FAM185A: variants seen among roughly 807,000 people sequenced by gnomAD.
FAM185A encodes the protein family with sequence similarity 185 member A.
In FAM185A, 21 loss-of-function variants were observed where a neutral mutation model predicts 45.7. The observed-to-expected ratio is 0.46, with a 90% confidence interval of 0.33 to 0.66. The LOEUF (loss-of-function observed/expected upper bound fraction) is 0.66. Ranked by LOEUF, FAM185A falls within the 30% of genes least tolerant of loss-of-function variation. The pLI is 0.03. For synonymous variants in FAM185A, 117 were observed against 194.0 expected (o/e 0.60, Z 3.30); for missense variants, 305 against 485.4 (o/e 0.63, Z 3.49).
chr7:102,818,760 A>AG, the FAM185A span, among the ~76,000 whole-genome samples: 6,287 of 152,246 alleles, frequency 0.041, 320 homozygotes, highest in East Asian at 0.16. Flanking sequence ...GAAATATATC[A>AG]AAAGTTCCCT....
intron 5 of FAM185A, among the ~76,000 whole-genome samples, chr7:102,774,675 C>T (rs1285202051): frequency 6.6e-6 from 1 of 152,158 alleles, no homozygotes; most frequent in African/African-American, 2.4e-5. Context: ...TTTTGTCAAA[C>T]ACATTTCCTG....
At chr7:102,847,518 T>C in the FAM185A span, among the ~76,000 whole-genome samples, 4 of 151,688 alleles carry the variant, frequency 2.6e-5, no homozygotes, top group African/African-American at 7.3e-5. Flanking sequence ...TAACACTCAA[T>C]TTTTTTTTCT....
intron 7 of FAM185A, among the ~76,000 whole-genome samples, chr7:102,791,630 G>A (rs1400917701): frequency 1.3e-5 from 2 of 152,182 alleles, no homozygotes; most frequent in African/African-American, 4.8e-5. Flanking sequence ...ATCAAGCATC[G>A]TTTTGCAGAG....
chr7:102,813,365 T>A, downstream of FAM185A: 4 of 1,613,796 alleles, frequency 2.5e-6, no homozygotes, highest in Non-Finnish European at 3.4e-6. Flanking sequence ...TCTTCACTGC[T>A]GTATGTTGAC....
chr7:102,827,531 A>AT, the FAM185A span, among the ~76,000 whole-genome samples: 18 of 149,452 alleles, frequency 1.2e-4, no homozygotes, highest in East Asian at 2.0e-4. Context: ...CCCATTGATC[A>AT]TTTTTTTTTT....
At chr7:102,801,151 C>T (rs1041245814) in intron 7 of FAM185A, among the ~76,000 whole-genome samples, 1 of 152,098 alleles carries the variant, frequency 6.6e-6, no homozygotes, top group African/African-American at 2.4e-5. Flanking sequence ...ATGAAAGATA[C>T]AGTCTTTTTC....
At chr7:102,773,647 A>G (rs2539282) in intron 5 of FAM185A, among the ~76,000 whole-genome samples, 32 of 151,394 alleles carry the variant, frequency 2.1e-4, no homozygotes, top group Admixed American at 7.2e-4. Context: ...CCTTTTCCCA[A>G]AGTTCCACTT....
At chr7:102,823,286 T>C in the FAM185A span, among the ~76,000 whole-genome samples, 1 of 152,204 alleles carries the variant, frequency 6.6e-6, no homozygotes, top group Non-Finnish European at 1.5e-5. Context: ...TAACATTACA[T>C]GCTACAAAAC....
chr7:102,749,284 C>T lies in FAM185A; in HGVS notation c.77C>T (p.Ala26Val). The T allele has an allele frequency of 1.3e-6, 2 of 1,550,126 alleles. No homozygotes were observed. Among genetic ancestry groups the T allele is most frequent in the South Asian group, 1.2e-5 (1 of 84,014 alleles). ...CGTCAGGTCCGACTGTGGGCTGGCG[C>T]TGGGCGCTGGGCTTGCTGGGCTTGC... is the stretch of plus-strand genomic sequence containing the variant. ...CLRQVRLWAG[A>V]GRWACWACQA... The change falls in exon 1 of 8, where the codon GCT (alanine) becomes GTT (valine). Residue 26 changes from alanine to valine, a missense_variant. Physicochemically the swap from Ala to Val is moderately conservative, Grantham distance 64. Transcript: ENST00000413034.
chr7:102,784,711 C>A (rs1795663427), intron 6 of FAM185A, among the ~76,000 whole-genome samples: 1 of 152,150 alleles, frequency 6.6e-6, no homozygotes, highest in South Asian at 2.1e-4. Flanking sequence ...CTATGACAAA[C>A]CCACAGCCAA....
rs567634328 is a variant in FAM185A at position 102,773,474 on chromosome 7, A to C, written c.835+1024A>C. On this transcript the variant is annotated intron_variant, in intron 5 of 7. Transcript: ENST00000413034. ...TCTACTGTTGATGGACACCTGGGCC[A>C]TTTCTAATTTTTTGGCAACTGTAAA... 1.1e-3 allele frequency among the ~76,000 whole-genome samples: 163 copies of C among 152,276 alleles called. 1 individual carries two copies. In the Middle Eastern group the frequency reaches 0.02, roughly 19 times the overall value.
chr7:102,802,120 C>T (rs941488178), intron 7 of FAM185A, among the ~76,000 whole-genome samples: 1 of 152,126 alleles, frequency 6.6e-6, no homozygotes, highest in Non-Finnish European at 1.5e-5. Context: ...ACTGACAGCA[C>T]TGGACAGGTC....
At chr7:102,795,683 G>A (rs1480130620) in intron 7 of FAM185A, among the ~76,000 whole-genome samples, 1 of 151,990 alleles carries the variant, frequency 6.6e-6, no homozygotes, top group Non-Finnish European at 1.5e-5. Flanking sequence ...ACAGGTCCAG[G>A]AATAATGCCT....
At chr7:102,815,019 T>C in the FAM185A span, among the ~76,000 whole-genome samples, 1 of 152,288 alleles carries the variant, frequency 6.6e-6, no homozygotes, top group Admixed American at 6.5e-5. Flanking sequence ...TTCTGAACAT[T>C]TTTCCCCTTA....
chr7:102,833,075 C>T, the FAM185A span: 1 of 1,258,528 alleles, frequency 7.9e-7, no homozygotes, highest in Non-Finnish European at 1.1e-6. Flanking sequence ...CCCTGAAATA[C>T]AGATGTTAGA....
chr7:102,758,427 CTTTTTTTTTT>C (rs869220298), intron 3 of FAM185A, among the ~76,000 whole-genome samples: 2,133 of 45,426 alleles, frequency 0.047, 6 homozygotes, highest in Middle Eastern at 0.062. Context: ...GCTCTCACAG[CTTTTTTTTTT>C]TTTTTTTTTT....
At chr7:102,834,102 G>GGA in the FAM185A span, among the ~76,000 whole-genome samples, 761 of 101,890 alleles carry the variant, frequency 7.5e-3, 8 homozygotes, top group Non-Finnish European at 9.5e-3. Context: ...AAGAAAGAAA[G>GGA]AAAGAAAGAA....
At chr7:102,778,410 A>G (rs1795202558) in intron 6 of FAM185A, among the ~76,000 whole-genome samples, 1 of 152,300 alleles carries the variant, frequency 6.6e-6, no homozygotes, top group Non-Finnish European at 1.5e-5. Flanking sequence ...GTACTCCATT[A>G]TTACAAAGAT....
chr7:102,808,400 T>A lies in FAM185A; in HGVS notation c.1177T>A (p.Ter393LysextTer2). Residue 393 changes from the stop codon to lysine (K), a stop_lost, in exon 8 of 8, where the codon TAA becomes AAA. Transcript: ENST00000413034. ...SWFQSLKLQD[*>K] ...GTTTCAGTCCCTGAAACTGCAGGAC[T>A]AAAACTGATTTGAGTTGGATTTATG... The A allele has an allele frequency of 6.6e-7, 1 of 1,504,960 alleles. No homozygotes were observed. The highest frequency in any genetic ancestry group is 9.1e-7 in the Non-Finnish European group (1 of 1,104,600). The allele number at this position is 1,504,960 out of a possible 1,614,324, so 93.2% of individuals were successfully genotyped here.
Sources: gnomAD v4.1 joint callset for allele counts (sites outside exome capture counted in the v4.1 genomes callset) on GRCh38, gnomAD v4.1.1 for gene constraint, MANE v1.5 for transcripts, NCBI Gene and HGNC (gene_info 2026-07-23, HGNC 2026-07-21) for gene names.